TSNARE1: variants seen among roughly 807,000 people sequenced by gnomAD.
TSNARE1 encodes the protein t-SNARE domain containing 1, also known as t-SNARE domain-containing protein 1.
TSNARE1 carries 49 observed loss-of-function variants against 62.0 expected under a neutral mutation model. The ratio of observed to expected loss-of-function variants is 0.79; its 90% CI spans 0.63 to 1.00. TSNARE1 has a LOEUF of 1.00. TSNARE1 is among the 50% of genes least tolerant of loss of function. TSNARE1 has a pLI of 0.00. For missense variants in TSNARE1, 755 were observed against 700.1 expected (o/e 1.08, Z -0.88); for synonymous variants, 328 against 294.4 (o/e 1.11, Z -1.17).
intron 13 of TSNARE1, among the ~76,000 whole-genome samples, chr8:142,219,881 C>T (rs933465130): frequency 2.0e-5 from 3 of 152,218 alleles, no homozygotes; most frequent in Non-Finnish European, 2.9e-5. Context: ...TTTGCTCCAG[C>T]CCACTGTGGA....
At chr8:142,271,111 G>C (rs1819488667) in intron 12 of TSNARE1, 4 of 986,142 alleles carry the variant, frequency 4.1e-6, no homozygotes, top group Non-Finnish European at 4.8e-6. Context: ...CCACCTTCAA[G>C]ATCATCCCTG....
At chr8:142,399,305 C>G (rs1234026774) in intron 1 of TSNARE1, among the ~76,000 whole-genome samples, 1 of 152,220 alleles carries the variant, frequency 6.6e-6, no homozygotes, top group Non-Finnish European at 1.5e-5. Flanking sequence ...AACAACCCCT[C>G]ACGTCTTCAG....
chr8:142,341,430 T>C (rs963907532), intron 4 of TSNARE1, among the ~76,000 whole-genome samples: 1 of 152,196 alleles, frequency 6.6e-6, no homozygotes, highest in African/African-American at 2.4e-5. Context: ...GAGAGGCCCC[T>C]TGGGGCTGCA....
intron 6 of TSNARE1, among the ~76,000 whole-genome samples, chr8:142,323,920 G>A (rs1438146254): frequency 6.6e-6 from 1 of 152,178 alleles, no homozygotes; most frequent in Non-Finnish European, 1.5e-5. Context: ...CAGGGAGATG[G>A]ATGAGACTGC....
intron 1 of TSNARE1, among the ~76,000 whole-genome samples, chr8:142,384,341 C>T (rs901695924): frequency 6.6e-6 from 1 of 152,182 alleles, no homozygotes; most frequent in African/African-American, 2.4e-5. Flanking sequence ...AAAAAACTAA[C>T]ACATTCTAAA....
intron 4 of TSNARE1, among the ~76,000 whole-genome samples, chr8:142,333,997 C>A (rs1339162739): frequency 6.6e-6 from 1 of 152,158 alleles, no homozygotes; most frequent in African/African-American, 2.4e-5. Flanking sequence ...TCAAGTTTAG[C>A]CTAAAGGCGC....
rs1211513423 is a variant in TSNARE1 at position 142,400,030 on chromosome 8, C to T, written c.-40+3074G>A. Among the ~76,000 whole-genome samples the T allele has an allele frequency of 2.6e-5, 4 of 150,964 alleles. No homozygotes were observed. The South Asian group carries it at 6.3e-4, about 24-fold the overall frequency. ...GGCAACTGGGCAACACAGTGAGACA[C>T]GCCTATCTCAAAAAAAAAAAAAGAG... On this transcript the variant is annotated intron_variant, in intron 1 of 13. Transcript: ENST00000524325.
chr8:142,358,426 G>A (rs1322853472), intron 1 of TSNARE1, among the ~76,000 whole-genome samples: 2 of 152,162 alleles, frequency 1.3e-5, no homozygotes, highest in Non-Finnish European at 2.9e-5. Flanking sequence ...AAAGAGCTGA[G>A]CTGAATCAGA....
At position 142,279,545 on chromosome 8, in the gene TSNARE1, C is replaced by T. The variant is rs189636962; in HGVS notation, c.1364-4682G>A. 1.2e-4 allele frequency among the ~76,000 whole-genome samples: 18 copies of T among 152,296 alleles called. No homozygotes were observed. The Middle Eastern group carries it at 0.017, about 144-fold the overall frequency. On this transcript the variant is annotated intron_variant, in intron 11 of 13. Coordinates refer to ENST00000524325, the MANE Select transcript of TSNARE1 (RefSeq NM_145003.5). ...ATCCCATCTGGACACCCGGTGGGCA[C>T]GGCTTGAGGTGGCGTATATGGTCGA... is the stretch of plus-strand genomic sequence containing the variant.
intron 12 of TSNARE1, chr8:142,270,462 G>A (rs1204424448): frequency 1.0e-6 from 1 of 975,530 alleles, no homozygotes; most frequent in Non-Finnish European, 1.2e-6. Flanking sequence ...GCCCCATACA[G>A]TACCAAGTAA....
intron 1 of TSNARE1, among the ~76,000 whole-genome samples, chr8:142,390,180 G>C (rs1213641593): frequency 2.0e-5 from 3 of 152,276 alleles, no homozygotes; most frequent in Non-Finnish European, 4.4e-5. Context: ...GCGTGCGTCA[G>C]GGAGTGAGTG....
intron 10 of TSNARE1, among the ~76,000 whole-genome samples, chr8:142,295,236 G>T (rs1440132745): frequency 6.6e-6 from 1 of 152,222 alleles, no homozygotes; most frequent in African/African-American, 2.4e-5. Context: ...GGAGATGGTG[G>T]GCAGCCCCAG....
intron 9 of TSNARE1, among the ~76,000 whole-genome samples, chr8:142,307,766 G>C (rs1006924614): frequency 2.6e-5 from 4 of 152,168 alleles, no homozygotes; most frequent in Non-Finnish European, 4.4e-5. Flanking sequence ...CAAGATCCTA[G>C]GTCAGAAAAT....
intron 4 of TSNARE1, among the ~76,000 whole-genome samples, chr8:142,333,363 G>A (rs1831324238): frequency 6.6e-6 from 1 of 152,232 alleles, no homozygotes; most frequent in Admixed American, 6.5e-5. Flanking sequence ...TCAGGTGGCA[G>A]CTACGTGGGT....
At chr8:142,286,974 G>A (rs1009175083) in intron 10 of TSNARE1, among the ~76,000 whole-genome samples, 4 of 152,340 alleles carry the variant, frequency 2.6e-5, no homozygotes, top group South Asian at 4.1e-4. Flanking sequence ...CAGGGAAGAC[G>A]GAACCTGAGT....
At chr8:142,310,188 G>GT (rs1326512342) in intron 9 of TSNARE1, among the ~76,000 whole-genome samples, 4 of 152,060 alleles carry the variant, frequency 2.6e-5, no homozygotes, top group Non-Finnish European at 5.9e-5. Context: ...CCTACTGAAC[G>GT]TGTTTTATAT....
intron 1 of TSNARE1, among the ~76,000 whole-genome samples, chr8:142,366,513 C>T (rs1250799139): frequency 1.3e-5 from 2 of 152,210 alleles, no homozygotes; most frequent in Non-Finnish European, 1.5e-5. Flanking sequence ...CAGTGCACTA[C>T]ACCATATTAA....
intron 12 of TSNARE1, among the ~76,000 whole-genome samples, chr8:142,239,322 C>T (rs1817578995): frequency 1.3e-5 from 2 of 152,212 alleles, no homozygotes; most frequent in Non-Finnish European, 2.9e-5. Context: ...AGCCTTAAAG[C>T]CCCTTGGGTA....
At chr8:142,332,907 C>G (rs1831255979) in intron 4 of TSNARE1, among the ~76,000 whole-genome samples, 1 of 152,250 alleles carries the variant, frequency 6.6e-6, no homozygotes, top group Non-Finnish European at 1.5e-5. Context: ...TACCAGCCCA[C>G]ACCCGGAGAG....
Sources: allele counts gnomAD v4.1 joint callset (sites outside exome capture counted in the v4.1 genomes callset), GRCh38; gene constraint gnomAD v4.1.1; transcripts MANE v1.5; gene names NCBI Gene and HGNC (gene_info 2026-07-23, HGNC 2026-07-21).